PKD1L1: variants seen among roughly 807,000 people sequenced by gnomAD.
The protein encoded by PKD1L1 is polycystin-1-like protein 1.
PKD1L1 carries 236 observed loss-of-function variants against 323.4 expected under a neutral mutation model. That is an observed-to-expected ratio of 0.73 (90% CI 0.66 to 0.81). The LOEUF (loss-of-function observed/expected upper bound fraction) is 0.81. Among genes scored for constraint, PKD1L1 ranks in the 40% least tolerant of loss-of-function variants. The pLI, the probability that PKD1L1 is intolerant of heterozygous loss-of-function variation, is 0.00. For synonymous variants in PKD1L1, 1,344 were observed against 1,335.0 expected (o/e 1.01, Z -0.15); for missense variants, 3,320 against 3,508.0 (o/e 0.95, Z 1.35).
chr7:47,788,500 C>T (rs1317856395), intron 56 of PKD1L1, among the ~76,000 whole-genome samples: 1 of 150,060 alleles, frequency 6.7e-6, no homozygotes, highest in African/African-American at 2.4e-5. Context: ...TCAAGTGATC[C>T]ACCTGCCTTG....
intron 9 of PKD1L1, among the ~76,000 whole-genome samples, chr7:47,906,468 T>C (rs2128751310): frequency 6.6e-6 from 1 of 152,126 alleles, no homozygotes; most frequent in South Asian, 2.1e-4. Flanking sequence ...ACACAGCATA[T>C]GCACTATACA....
Position 47,931,341 on chromosome 7 carries a change from T to C in PKD1L1, c.520-20A>G. 1 of 1,613,232 alleles carries C rather than the reference T, an allele frequency of 6.2e-7. No individual in the cohort carries two copies. The highest frequency in any genetic ancestry group is 8.5e-7 in the Non-Finnish European group (1 of 1,179,544). Reference sequence around the variant, plus strand: ...CTGGAGCTTAAAAGTTTAAGAACAGTTCAGGGTTTATTGAATGGCCTCGTC... The same window carrying C: ...CTGGAGCTTAAAAGTTTAAGAACAGCTCAGGGTTTATTGAATGGCCTCGTC... On this transcript the variant is annotated intron_variant, in intron 5 of 56. Transcript: ENST00000289672.
At chr7:47,810,490 T>C (rs972391995) in intron 50 of PKD1L1, among the ~76,000 whole-genome samples, 3 of 152,244 alleles carry the variant, frequency 2.0e-5, no homozygotes, top group Admixed American at 6.5e-5. Context: ...GTACTTTATG[T>C]GTCTCCCCCA....
chr7:47,929,580 G>A (rs1457929147), intron 6 of PKD1L1, 54 bp from the exon 7 acceptor site: 6 of 1,500,560 alleles, frequency 4.0e-6, no homozygotes, highest in Non-Finnish European at 5.4e-6. Context: ...CACTGGGGTG[G>A]GAGGGCAGAA....
At chr7:47,944,939 G>A (rs1036811495) in intron 1 of PKD1L1, among the ~76,000 whole-genome samples, 2 of 152,138 alleles carry the variant, frequency 1.3e-5, no homozygotes, top group African/African-American at 4.8e-5. Flanking sequence ...GTGTGATTTG[G>A]GTTTCTCCTC....
intron 56 of PKD1L1, among the ~76,000 whole-genome samples, chr7:47,792,314 G>GTTT (rs201298733): frequency 6.6e-6 from 1 of 150,966 alleles, no homozygotes; most frequent in African/African-American, 2.4e-5. Context: ...AGATTTCTGG[G>GTTT]TTTTTTTTTG....
intron 4 of PKD1L1, among the ~76,000 whole-genome samples, chr7:47,933,355 G>C (rs751222694): frequency 1.3e-5 from 2 of 152,062 alleles, no homozygotes. Flanking sequence ...TTCCTGAGTC[G>C]TCATTTTTTC....
chr7:47,931,537 C>T (rs949309228), intron 5 of PKD1L1, among the ~76,000 whole-genome samples: 7 of 152,216 alleles, frequency 4.6e-5, no homozygotes, highest in Non-Finnish European at 8.8e-5. Flanking sequence ...CAAGACAGCG[C>T]CCAGCTGGCA....
rs186962247 is a variant in PKD1L1 at position 47,945,113 on chromosome 7, G to A, written c.45-1602C>T. 4.1e-4 allele frequency among the ~76,000 whole-genome samples: 62 copies of A among 152,276 alleles called. No homozygotes were observed. The East Asian group carries it at 0.01, about 25-fold the overall frequency. ...GTCTCCTTCTCTGTTTGAGAGGAACGACACAGACCTACTTCACGGGGCTGC... is the reference window on the plus strand; with the variant it reads ...GTCTCCTTCTCTGTTTGAGAGGAACAACACAGACCTACTTCACGGGGCTGC... On this transcript the variant is annotated intron_variant, in intron 1 of 56. Transcript: ENST00000289672.
At chr7:47,899,785 T>G (rs576192843) in intron 13 of PKD1L1, among the ~76,000 whole-genome samples, 2 of 152,016 alleles carry the variant, frequency 1.3e-5, no homozygotes, top group Admixed American at 1.3e-4. Flanking sequence ...TGAAACCCTG[T>G]TTTTACTAAA....
chr7:47,943,245 G>A (rs1788034243), intron 2 of PKD1L1, 151 bp downstream of exon 2: 3 of 478,394 alleles, frequency 6.3e-6, no homozygotes, highest in Middle Eastern at 6.1e-4. Context: ...AGAGGCACTT[G>A]CAAAACAGCA....
the PKD1L1 span, among the ~76,000 whole-genome samples, chr7:47,958,841 C>G: frequency 4.6e-5 from 7 of 151,920 alleles, no homozygotes; most frequent in Non-Finnish European, 7.4e-5. Context: ...CTCCCTCTCC[C>G]TCTCTTTCCA....
At chr7:47,960,126 A>C in the PKD1L1 span, among the ~76,000 whole-genome samples, 3 of 151,258 alleles carry the variant, frequency 2.0e-5, no homozygotes, top group African/African-American at 7.3e-5. Context: ...TAAATGGATT[A>C]AGGGTGGTGC....
chr7:47,852,595 T>C (rs959709532), intron 31 of PKD1L1, among the ~76,000 whole-genome samples: 3 of 152,068 alleles, frequency 2.0e-5, no homozygotes, highest in Non-Finnish European at 4.4e-5. Context: ...TCTTGCTTTT[T>C]TGGGGAAGGG....
chr7:47,815,502 G>A (rs1464354901), intron 46 of PKD1L1, 45 bp from the exon 47 acceptor site: 2 of 1,594,642 alleles, frequency 1.3e-6, no homozygotes, highest in African/African-American at 1.4e-5. Context: ...GCATCAACAA[G>A]AACAATGAAA....
chr7:47,881,108 C>G (rs1786544712), intron 20 of PKD1L1, among the ~76,000 whole-genome samples: 1 of 151,892 alleles, frequency 6.6e-6, no homozygotes, highest in Non-Finnish European at 1.5e-5. Flanking sequence ...TAATTATGTT[C>G]ATGTTTAATT....
Position 47,837,054 on chromosome 7 carries a change from T to C in PKD1L1, c.5810A>G (p.His1937Arg). Residue 1937 changes from histidine (H) to arginine (R), a missense_variant, in exon 37 of 57, where the codon CAT becomes CGT. By Grantham distance (29) the His-to-Arg change is conservative. Coordinates refer to ENST00000289672, the MANE Select transcript of PKD1L1 (RefSeq NM_138295.5). ...CKFTEYLEDFHVWLSVYSRPS... is the reference protein window; with the variant it reads ...CKFTEYLEDFRVWLSVYSRPS... ...CCTGCTGTACACCGACAGCCAGACA[T>C]GGAAATCCTCCAGGTACTCTGTGAA... 6.2e-7 allele frequency: 1 copy of C among 1,614,156 alleles called. No homozygotes were observed. The highest frequency in any genetic ancestry group is 8.5e-7 in the Non-Finnish European group (1 of 1,180,032).
At chr7:47,931,800 A>T in intron 5 of PKD1L1, 136 bp downstream of exon 5, 1 of 1,189,474 alleles carries the variant, frequency 8.4e-7, no homozygotes, top group Non-Finnish European at 1.2e-6. Context: ...GCAGTGTCCA[A>T]ATGACTTAGA....
In PKD1L1 at chr7:47,942,420, C is replaced by T. The variant is rs114076138; in HGVS notation, c.160+976G>A. Among the ~76,000 whole-genome samples the T allele has an allele frequency of 7.1e-3, 1,080 of 152,204 alleles. 19 individuals are homozygous for T. Among genetic ancestry groups the T allele is most frequent in the African/African-American group, 0.025 (1,028 of 41,518 alleles). The stretch of plus-strand genomic sequence containing the variant: ...ATTGTTTCAACATTGATGCCAGGCA[C>T]ACACCCGCCTCCTGCCCCGCGCCCC... On this transcript the variant is annotated intron_variant, in intron 2 of 56. Coordinates refer to ENST00000289672, the MANE Select transcript of PKD1L1 (RefSeq NM_138295.5).
Sources: allele counts gnomAD v4.1 joint callset (sites outside exome capture counted in the v4.1 genomes callset), GRCh38; gene constraint gnomAD v4.1.1; transcripts MANE v1.5; gene names NCBI Gene and HGNC (gene_info 2026-07-23, HGNC 2026-07-21).